The following LSAMP variants were observed in gnomAD, a reference collection of about 807,000 sequenced individuals.
The protein encoded by LSAMP is limbic system-associated membrane protein.
A neutral mutation model predicts 38.6 loss-of-function variants in LSAMP; 7 were observed. The ratio of observed to expected loss-of-function variants is 0.18; its 90% confidence interval spans 0.10 to 0.34. The LOEUF (loss-of-function observed/expected upper bound fraction) is 0.34, where lower values mean the gene tolerates loss of function less well. Ranked by LOEUF, LSAMP falls within the 10% of genes least tolerant of loss-of-function variation. LSAMP has a pLI of 1.00. For synonymous variants in LSAMP, 154 were observed against 166.8 expected (o/e 0.92, Z 0.59); for missense variants, 313 against 420.0 (o/e 0.75, Z 2.23).
At position 116,109,476 on chromosome 3, in the gene LSAMP, G is replaced by A. The variant is rs557463236; in HGVS notation, c.156-22920C>T. Among the ~76,000 whole-genome samples the A allele has an allele frequency of 2.5e-4, 38 of 152,120 alleles. No individual in the cohort carries two copies. The East Asian group carries it at 6.6e-3, about 26-fold the overall frequency. On this transcript the variant is annotated intron_variant, in intron 1 of 6. Coordinates refer to ENST00000490035, the MANE Select transcript of LSAMP (RefSeq NM_002338.5). The stretch of plus-strand genomic sequence containing the variant: ...GAGGGAAAGAAGGAAGATTTGGGAC[G>A]AGTTGCACTGGGCACAGAGACTAGG...
intron 2 of LSAMP, among the ~76,000 whole-genome samples, chr3:116,070,469 G>A (rs539467592): frequency 1.1e-3 from 165 of 152,328 alleles, no homozygotes; most frequent in African/African-American, 3.8e-3. Flanking sequence ...TACCAGTAAA[G>A]TGGACACTGA....
chr3:116,022,816 A>C (rs1371304790), intron 2 of LSAMP, among the ~76,000 whole-genome samples: 1 of 152,182 alleles, frequency 6.6e-6, no homozygotes, highest in Non-Finnish European at 1.5e-5. Context: ...TTATACCTAC[A>C]TTCCAATGGA....
rs1401044110 is a variant in LSAMP, at chr3:116,172,340, T to TTTAA, written c.156-85788_156-85785dup. Among the ~76,000 whole-genome samples, 4 of 149,900 alleles carry TTTAA rather than the reference T, an allele frequency of 2.7e-5. No individual in the cohort carries two copies. In the East Asian group the frequency reaches 5.8e-4, roughly 22 times the overall value. ...AGTAAAACTGGATCAATTTCATTAT[T>TTTAA]TTAAGGCTTTCCTTTTTTTTTTTTT... On this transcript the variant is annotated intron_variant, in intron 1 of 6. Transcript: ENST00000490035.
intron 3 of LSAMP, among the ~76,000 whole-genome samples, chr3:115,868,199 C>T (rs1316178132): frequency 6.6e-6 from 1 of 152,080 alleles, no homozygotes; most frequent in African/African-American, 2.4e-5. Flanking sequence ...AATGCTATCA[C>T]AGAAAGAGCT....
intron 1 of LSAMP, among the ~76,000 whole-genome samples, chr3:116,183,688 G>A (rs1710543546): frequency 6.6e-6 from 1 of 151,548 alleles, no homozygotes; most frequent in African/African-American, 2.4e-5. Flanking sequence ...TTAATATAGG[G>A]GTCATCTTTA....
chr3:116,015,279 T>C (rs1488004021), intron 3 of LSAMP, among the ~76,000 whole-genome samples: 1 of 152,128 alleles, frequency 6.6e-6, no homozygotes, highest in Non-Finnish European at 1.5e-5. Flanking sequence ...GCATAGAAAC[T>C]CTTTCTGTGA....
intron 3 of LSAMP, among the ~76,000 whole-genome samples, chr3:116,001,982 A>G (rs1258128268): frequency 6.6e-6 from 1 of 152,126 alleles, no homozygotes; most frequent in Non-Finnish European, 1.5e-5. Context: ...CCCTCCTCTT[A>G]ACGAACTTTT....
intron 3 of LSAMP, among the ~76,000 whole-genome samples, chr3:115,856,786 G>A (rs1392746556): frequency 6.6e-6 from 1 of 152,100 alleles, no homozygotes; most frequent in African/African-American, 2.4e-5. Flanking sequence ...CTCCAAAACT[G>A]TAAGAAATAC....
intron 1 of LSAMP, among the ~76,000 whole-genome samples, chr3:116,400,128 T>C (rs944021872): frequency 6.6e-6 from 1 of 152,140 alleles, no homozygotes; most frequent in African/African-American, 2.4e-5. Flanking sequence ...TCCTTGATTC[T>C]CTCATATATA....
At chr3:116,159,181 T>A (rs569654280) in intron 1 of LSAMP, among the ~76,000 whole-genome samples, 59 of 152,264 alleles carry the variant, frequency 3.9e-4, no homozygotes, top group South Asian at 1.7e-3. Context: ...AATACCATTC[T>A]GGACATAGGA....
intron 3 of LSAMP, among the ~76,000 whole-genome samples, chr3:115,914,586 C>T (rs183033623): frequency 9.9e-5 from 15 of 152,252 alleles, no homozygotes; most frequent in Non-Finnish European, 2.1e-4. Flanking sequence ...TAACAAGTAC[C>T]GGGATAATTT....
At chr3:116,287,804 G>C (rs938664479) in intron 1 of LSAMP, among the ~76,000 whole-genome samples, 1 of 152,138 alleles carries the variant, frequency 6.6e-6, no homozygotes, top group Non-Finnish European at 1.5e-5. Flanking sequence ...TCACAATGCA[G>C]ATTTCTCTGC....
intron 2 of LSAMP, among the ~76,000 whole-genome samples, chr3:116,037,563 C>G (rs536187006): frequency 6.6e-6 from 1 of 152,184 alleles, no homozygotes; most frequent in African/African-American, 2.4e-5. Flanking sequence ...GATTCCAGGA[C>G]AGACACAAGG....
intron 6 of LSAMP, among the ~76,000 whole-genome samples, chr3:115,817,096 C>T (rs964025047): frequency 1.2e-4 from 19 of 152,192 alleles, no homozygotes; most frequent in African/African-American, 2.7e-4. Flanking sequence ...AAAACCTTCA[C>T]GCTTGCTTTT....
chr3:116,223,840 C>T (rs1341589898), intron 1 of LSAMP, among the ~76,000 whole-genome samples: 1 of 152,110 alleles, frequency 6.6e-6, no homozygotes, highest in Non-Finnish European at 1.5e-5. Context: ...TGAGGTCTGA[C>T]CCTTTATGCA....
intron 2 of LSAMP, among the ~76,000 whole-genome samples, chr3:116,032,500 T>G (rs577859519): frequency 6.6e-6 from 1 of 152,238 alleles, no homozygotes; most frequent in South Asian, 2.1e-4. Flanking sequence ...AGCTTTGATA[T>G]TTCACAAACT....
At chr3:116,271,175 T>A (rs1302039319) in intron 1 of LSAMP, among the ~76,000 whole-genome samples, 1 of 152,118 alleles carries the variant, frequency 6.6e-6, no homozygotes, top group Non-Finnish European at 1.5e-5. Flanking sequence ...CTATTTCATA[T>A]GCAACAGCTT....
intron 6 of LSAMP, among the ~76,000 whole-genome samples, chr3:115,839,356 T>G (rs1182640541): frequency 6.6e-6 from 1 of 151,126 alleles, no homozygotes; most frequent in Non-Finnish European, 1.5e-5. Context: ...TCTCTTTTCC[T>G]TTCTTTTCTT....
chr3:116,317,885 C>A (rs2047654005), intron 1 of LSAMP, among the ~76,000 whole-genome samples: 1 of 151,442 alleles, frequency 6.6e-6, no homozygotes, highest in Admixed American at 6.6e-5. Context: ...GCTGTAATCC[C>A]AACACTTTGG....
Sources: allele counts gnomAD v4.1 joint callset (sites outside exome capture counted in the v4.1 genomes callset), GRCh38; gene constraint gnomAD v4.1.1; transcripts MANE v1.5; gene names NCBI Gene and HGNC (gene_info 2026-07-23, HGNC 2026-07-21).